The following DMGDH variants were observed in gnomAD, a reference collection of about 807,000 sequenced individuals.
The protein encoded by DMGDH is dimethylglycine dehydrogenase, also known as dimethylglycine dehydrogenase, mitochondrial.
Under a neutral mutation model 95.2 loss-of-function variants are expected in DMGDH, and 76 were observed. The observed-to-expected ratio is 0.80, with a 90% confidence interval of 0.66 to 0.97. DMGDH has a LOEUF of 0.97. Ranked by LOEUF, DMGDH falls within the 50% of genes least tolerant of loss-of-function variation. The probability of loss-of-function intolerance (pLI) is 0.00; values close to 1 mark genes in which losing one functional copy is unlikely to be tolerated. For missense variants in DMGDH, 987 were observed against 1,055.0 expected, an observed-to-expected ratio of 0.94 and a Z score of 0.89; for synonymous variants, 345 against 377.6, an observed-to-expected ratio of 0.91 and a Z score of 1.00.
At chr5:79,005,163 C>A (rs768026473) in intron 15 of DMGDH, 110 bp downstream of exon 15, 3 of 1,431,274 alleles carry the variant, frequency 2.1e-6, no homozygotes, top group African/African-American at 1.4e-5. Flanking sequence ...AGCGTGTCAT[C>A]CCTCCAACAA....
At chr5:79,036,180 T>G (rs1754342824) in intron 7 of DMGDH, among the ~76,000 whole-genome samples, 1 of 152,330 alleles carries the variant, frequency 6.6e-6, no homozygotes, top group Middle Eastern at 3.4e-3. Flanking sequence ...TGGCACATAG[T>G]GGGCAAGGAA....
At chr5:79,009,289 A>G in intron 14 of DMGDH, among the ~76,000 whole-genome samples, 1 of 115,448 alleles carries the variant, frequency 8.7e-6, no homozygotes, top group Non-Finnish European at 2.2e-5. Context: ...AACATATTCT[A>G]ACAAAAACAA....
intron 3 of DMGDH, among the ~76,000 whole-genome samples, chr5:79,055,092 C>T (rs1261385781): frequency 2.6e-5 from 4 of 152,194 alleles, no homozygotes; most frequent in Admixed American, 2.6e-4. Context: ...GAAAACAGAA[C>T]ACAACAAAAA....
rs1755485984 is a variant in DMGDH at position 79,069,507 on chromosome 5, G to A, written c.101+13C>T. The A allele has an allele frequency of 6.3e-6, 8 of 1,277,460 alleles. No homozygotes were observed. Among genetic ancestry groups the A allele is most frequent in the South Asian group, 5.3e-5 (2 of 38,054 alleles). 79.1% of individuals were successfully genotyped at this position (1,277,460 alleles called of 1,614,324 possible). On this transcript the variant is annotated intron_variant, in intron 1 of 15. Coordinates refer to ENST00000255189, the MANE Select transcript of DMGDH (RefSeq NM_013391.3). The stretch of plus-strand genomic sequence containing the variant: ...CGCCCCGTCGCCTCTGAGCAGGACG[G>A]GGCCCCACTCACCCTTCCCGGCCGC...
chr5:79,027,843 T>C (rs916853248), intron 12 of DMGDH, among the ~76,000 whole-genome samples: 1 of 126,276 alleles, frequency 7.9e-6, no homozygotes, highest in Admixed American at 7.5e-5. Flanking sequence ...CACTTTTCTT[T>C]TTTTTTTTTT....
intron 14 of DMGDH, among the ~76,000 whole-genome samples, chr5:79,014,887 A>T (rs1753703176): frequency 6.6e-6 from 1 of 152,146 alleles, no homozygotes; most frequent in Admixed American, 6.5e-5. Flanking sequence ...CACAGGGGTG[A>T]GGCTAAGGAT....
intron 4 of DMGDH, among the ~76,000 whole-genome samples, chr5:79,051,758 A>G (rs182508401): frequency 1.3e-5 from 2 of 152,310 alleles, no homozygotes; most frequent in East Asian, 3.9e-4. Flanking sequence ...CAACTGATAT[A>G]TCAATTATAA....
At chr5:79,005,212 A>G in intron 15 of DMGDH, 61 bp downstream of exon 15, 1 of 1,607,914 alleles carries the variant, frequency 6.2e-7, no homozygotes. Context: ...AAATAGGAAC[A>G]AGGGGAGTTT....
chr5:79,050,171 C>T (rs1336415992), intron 5 of DMGDH, among the ~76,000 whole-genome samples: 1 of 144,358 alleles, frequency 6.9e-6, no homozygotes, highest in Non-Finnish European at 1.5e-5. Context: ...GCAGGAGAAT[C>T]GCTTGAAACC....
chr5:79,019,914 C>A (rs1359314219), intron 14 of DMGDH, among the ~76,000 whole-genome samples: 1 of 151,892 alleles, frequency 6.6e-6, no homozygotes, highest in East Asian at 1.9e-4. Context: ...ACAGATAGAT[C>A]GATAGATAGA....
Position 79,063,603 on chromosome 5 carries a change from C to A in DMGDH, c.276+10G>T. ...TCCACGCTTATGACAGTTTGGGGTG[C>A]TTTTCTTACTGCGTGCCAGGTAGAT... On this transcript the variant is annotated intron_variant, in intron 2 of 15. Transcript: ENST00000255189. 1 of 1,614,148 alleles carries A rather than the reference C, an allele frequency of 6.2e-7. No individual in the cohort carries two copies. The highest frequency in any genetic ancestry group is 8.5e-7 in the Non-Finnish European group (1 of 1,180,008).
At chr5:79,005,535 G>T (rs1753532072) in intron 14 of DMGDH, 128 bp from the exon 15 acceptor site, 2 of 1,291,796 alleles carry the variant, frequency 1.5e-6, no homozygotes, top group Non-Finnish European at 2.2e-6. Flanking sequence ...ATACAGATCG[G>T]ATCATATGTC....
At chr5:79,065,053 A>G (rs545787636) in intron 1 of DMGDH, among the ~76,000 whole-genome samples, 1 of 150,926 alleles carries the variant, frequency 6.6e-6, no homozygotes, top group South Asian at 2.1e-4. Flanking sequence ...CCTGGCCTCA[A>G]ACTTTTTTAT....
In DMGDH at chr5:79,030,042, A is replaced by G; in HGVS notation, c.1684-8T>C. On this transcript the variant is annotated splice_polypyrimidine_tract_variant and splice_region_variant and intron_variant, in intron 10 of 15. Transcript: ENST00000255189. ...TATATTTGTAAAACCCACCTACATAAAAAAATTAAAAATTACCTTAGGATG... is the reference window on the plus strand; with the variant it reads ...TATATTTGTAAAACCCACCTACATAGAAAAATTAAAAATTACCTTAGGATG... 1 of 1,609,704 alleles carries G rather than the reference A, an allele frequency of 6.2e-7. No homozygotes were observed. The highest frequency in any genetic ancestry group is 8.5e-7 in the Non-Finnish European group (1 of 1,178,340).
chr5:79,029,344 T>G (rs1459276715), intron 11 of DMGDH, among the ~76,000 whole-genome samples: 1 of 152,168 alleles, frequency 6.6e-6, no homozygotes, highest in East Asian at 1.9e-4. Flanking sequence ...ATAATAATAT[T>G]CCAAAAATAT....
intron 7 of DMGDH, among the ~76,000 whole-genome samples, chr5:79,041,530 G>A (rs1375200598): frequency 6.6e-6 from 1 of 152,124 alleles, no homozygotes; most frequent in Non-Finnish European, 1.5e-5. Flanking sequence ...GGACAAACAT[G>A]AATTATGGTG....
intron 2 of DMGDH, 68 bp from the exon 3 acceptor site, chr5:79,055,976 T>C: frequency 9.5e-7 from 1 of 1,055,596 alleles, no homozygotes; most frequent in Non-Finnish European, 1.4e-6. Context: ...ACAGTTTATC[T>C]GTTAAGCAAT....
At chr5:79,007,599 A>G (rs1682542557) in intron 14 of DMGDH, among the ~76,000 whole-genome samples, 1 of 152,190 alleles carries the variant, frequency 6.6e-6, no homozygotes, top group African/African-American at 2.4e-5. Flanking sequence ...AACTATACTG[A>G]AAAAATTTTA....
chr5:79,005,182 T>C (rs116092523), intron 15 of DMGDH, 91 bp downstream of exon 15: 2 of 1,560,336 alleles, frequency 1.3e-6, no homozygotes, highest in Non-Finnish European at 1.8e-6. Flanking sequence ...AAATAATTAA[T>C]AGCAAAAGGG....
Sources: gnomAD v4.1 joint callset for allele counts (sites outside exome capture counted in the v4.1 genomes callset) on GRCh38, gnomAD v4.1.1 for gene constraint, MANE v1.5 for transcripts, NCBI Gene and HGNC (gene_info 2026-07-23, HGNC 2026-07-21) for gene names.